The following SLC35D4 variants were observed in gnomAD, a reference collection of about 807,000 sequenced individuals.
SLC35D4 encodes solute carrier family 35 member D4.
chr18:23,256,405 C>T, the SLC35D4 span, among the ~76,000 whole-genome samples: 3 of 152,234 alleles, frequency 2.0e-5, no homozygotes, highest in African/African-American at 4.8e-5. Flanking sequence ...GATGAAAGGA[C>T]TGAACTACAT....
the SLC35D4 span, among the ~76,000 whole-genome samples, chr18:23,316,203 G>C: frequency 6.6e-6 from 1 of 152,208 alleles, no homozygotes; most frequent in Non-Finnish European, 1.5e-5. Flanking sequence ...CCTCTCCAGG[G>C]ACGGGCGGAC....
At chr18:23,275,858 G>A in the SLC35D4 span, among the ~76,000 whole-genome samples, 14 of 152,302 alleles carry the variant, frequency 9.2e-5, no homozygotes, top group East Asian at 2.1e-3. Context: ...AACAGATGTC[G>A]TGTGACTCCA....
chr18:23,424,001 G>A, the SLC35D4 span, among the ~76,000 whole-genome samples: 3 of 152,306 alleles, frequency 2.0e-5, no homozygotes, highest in East Asian at 1.9e-4. Context: ...GGAGTGACAC[G>A]TCGCATTTAC....
At chr18:23,313,156 A>AT in the SLC35D4 span, among the ~76,000 whole-genome samples, 2 of 146,524 alleles carry the variant, frequency 1.4e-5, no homozygotes, top group Non-Finnish European at 3.0e-5. Flanking sequence ...AAAAAAAAAA[A>AT]AGAACCTGAG....
chr18:23,317,431 A>T, the SLC35D4 span, among the ~76,000 whole-genome samples: 1 of 152,296 alleles, frequency 6.6e-6, no homozygotes, highest in South Asian at 2.1e-4. Flanking sequence ...TATCTCGATC[A>T]TCTTATCATC....
chr18:23,262,203 C>T, the SLC35D4 span, among the ~76,000 whole-genome samples: 11 of 152,328 alleles, frequency 7.2e-5, no homozygotes, highest in South Asian at 2.1e-4. Context: ...TACCTAGCTG[C>T]TTCATCTAAC....
the SLC35D4 span, among the ~76,000 whole-genome samples, chr18:23,363,405 C>A: frequency 1.0e-5 from 1 of 98,406 alleles, no homozygotes; most frequent in Non-Finnish European, 1.8e-5. Flanking sequence ...GAGATGGAGT[C>A]TCGCTCTTGC....
At chr18:23,337,994 C>T in the SLC35D4 span, among the ~76,000 whole-genome samples, 1,504 of 152,262 alleles carry the variant, frequency 9.9e-3, 23 homozygotes, top group African/African-American at 0.035. Context: ...TCAGGGATGG[C>T]GGTCATGTTA....
the SLC35D4 span, among the ~76,000 whole-genome samples, chr18:23,366,803 G>A: frequency 2.0e-5 from 3 of 152,220 alleles, no homozygotes; most frequent in Non-Finnish European, 4.4e-5. Flanking sequence ...GGCAGCAGCA[G>A]TGTGGACAGA....
At chr18:23,251,278 C>T in the SLC35D4 span, among the ~76,000 whole-genome samples, 27 of 152,194 alleles carry the variant, frequency 1.8e-4, no homozygotes, top group Non-Finnish European at 2.5e-4. Flanking sequence ...CATGGCGAAC[C>T]CCCATTTACT....
chr18:23,385,576 C>T, the SLC35D4 span, among the ~76,000 whole-genome samples: 2 of 152,052 alleles, frequency 1.3e-5, no homozygotes, highest in Non-Finnish European at 2.9e-5. Flanking sequence ...GAGGAGAGAG[C>T]GGATCCATCT....
At chr18:23,432,541 C>T in the SLC35D4 span, among the ~76,000 whole-genome samples, 7 of 151,966 alleles carry the variant, frequency 4.6e-5, no homozygotes, top group Admixed American at 3.3e-4. Flanking sequence ...ATTAGCCGGG[C>T]GTGGTGGTAT....
At chr18:23,293,729 C>T in the SLC35D4 span, among the ~76,000 whole-genome samples, 1 of 152,234 alleles carries the variant, frequency 6.6e-6, no homozygotes, top group African/African-American at 2.4e-5. Context: ...CTGTAACACT[C>T]CCCTGCCGGT....
chr18:23,405,650 A>T, the SLC35D4 span, among the ~76,000 whole-genome samples: 1 of 152,252 alleles, frequency 6.6e-6, no homozygotes, highest in Non-Finnish European at 1.5e-5. Context: ...ACCAAGTCCA[A>T]TGGGAGAGGT....
the SLC35D4 span, among the ~76,000 whole-genome samples, chr18:23,322,209 T>G: frequency 6.6e-6 from 1 of 152,212 alleles, no homozygotes; most frequent in African/African-American, 2.4e-5. Flanking sequence ...TTCTCTTGAC[T>G]CTCCATCTCC....
the SLC35D4 span, among the ~76,000 whole-genome samples, chr18:23,300,437 G>T: frequency 1.2e-4 from 18 of 152,146 alleles, no homozygotes; most frequent in Non-Finnish European, 1.0e-4. Context: ...AATCACCAGG[G>T]AGAAAACCAG....
chr18:23,411,672 T>C, the SLC35D4 span, among the ~76,000 whole-genome samples: 1 of 152,148 alleles, frequency 6.6e-6, no homozygotes, highest in African/African-American at 2.4e-5. Flanking sequence ...TGATCTTTCT[T>C]AACTATTTAT....
the SLC35D4 span, among the ~76,000 whole-genome samples, chr18:23,327,769 CA>C: frequency 6.6e-6 from 1 of 152,134 alleles, no homozygotes; most frequent in Non-Finnish European, 1.5e-5. Flanking sequence ...AATTTTAGAC[CA>C]ATATCCCTGA....
chr18:23,403,554 T>C, the SLC35D4 span, among the ~76,000 whole-genome samples: 1 of 152,180 alleles, frequency 6.6e-6, no homozygotes, highest in Admixed American at 6.5e-5. Flanking sequence ...GATGGAGGAA[T>C]AAACCCAGGG....
Sources: gnomAD v4.1 joint callset for allele counts (sites outside exome capture counted in the v4.1 genomes callset) on GRCh38, gnomAD v4.1.1 for gene constraint, MANE v1.5 for transcripts, NCBI Gene and HGNC (gene_info 2026-07-23, HGNC 2026-07-21) for gene names.